The following TRIM49C variants were observed in gnomAD, a reference collection of about 807,000 sequenced individuals.
TRIM49C encodes the protein tripartite motif-containing protein 49C.
Under a neutral mutation model 21.4 loss-of-function variants are expected in TRIM49C, and 6 were observed. That is an observed-to-expected ratio of 0.28 (90% CI 0.15 to 0.55). TRIM49C has a LOEUF of 0.55. Ranked by LOEUF, TRIM49C falls within the 20% of genes least tolerant of loss-of-function variation. TRIM49C has a pLI of 0.94. For missense variants in TRIM49C, 161 were observed against 442.4 expected (o/e 0.36, Z 5.71); for synonymous variants, 57 against 148.1 (o/e 0.38, Z 4.47).
chr11:90,062,891 C>T, the TRIM49C span: 1 of 1,416,346 alleles, frequency 7.1e-7, no homozygotes, highest in Non-Finnish European at 9.3e-7. Context: ...AGAGGCAGGG[C>T]CTGCAAAAGC....
At chr11:90,045,765 A>G (rs1950797787), downstream of TRIM49C, among the ~76,000 whole-genome samples, 1 of 115,760 alleles carries the variant, frequency 8.6e-6, no homozygotes, top group Non-Finnish European at 1.7e-5. Context: ...AATACCCTTT[A>G]TTTCTTTCTC....
Position 90,032,511 on chromosome 11 carries a change from C to T in TRIM49C, c.-76C>T, listed in dbSNP as rs1950694626. 1 of 129,888 alleles carries T rather than the reference C, an allele frequency of 7.7e-6. No individual in the cohort carries two copies. Among genetic ancestry groups the T allele is most frequent in the African/African-American group, 3.2e-5 (1 of 31,298 alleles). The allele number at this position is 129,888 out of a possible 1,614,324, so 8.0% of individuals were successfully genotyped here. On this transcript the variant is annotated 5_prime_UTR_variant, in exon 2 of 8. Coordinates refer to ENST00000448984, the MANE Select transcript of TRIM49C (RefSeq NM_001195234.1). ...ATTCAGTACTGCAGTGAATGAGCTT[C>T]TGACCTTGAGGTGAACTTAACAAAA... is the stretch of plus-strand genomic sequence containing the variant.
chr11:90,039,375 C>T (rs1174341568), intron 6 of TRIM49C, among the ~76,000 whole-genome samples: 1 of 129,038 alleles, frequency 7.7e-6, no homozygotes, highest in Non-Finnish European at 1.6e-5. Flanking sequence ...TACATATATA[C>T]ATATCAGTTA....
the TRIM49C span, chr11:90,057,944 G>A: frequency 2.6e-6 from 4 of 1,522,398 alleles, no homozygotes; most frequent in South Asian, 1.2e-5. Flanking sequence ...GCTTGCCAGA[G>A]GTGAATGCTT....
chr11:90,058,351 GCA>G, the TRIM49C span, among the ~76,000 whole-genome samples: 1 of 105,150 alleles, frequency 9.5e-6, no homozygotes, highest in African/African-American at 3.4e-5. Flanking sequence ...GTCTATCTCT[GCA>G]CAGTTTGTTT....
downstream of TRIM49C, among the ~76,000 whole-genome samples, chr11:90,045,394 C>A (rs1337646641): frequency 1.5e-5 from 1 of 65,634 alleles, no homozygotes; most frequent in East Asian, 5.1e-4. Flanking sequence ...GATATTGATT[C>A]TTCCTATCCC....
At chr11:90,069,889 A>G in the TRIM49C span, among the ~76,000 whole-genome samples, 4 of 106,374 alleles carry the variant, frequency 3.8e-5, no homozygotes, top group Admixed American at 1.1e-4. Context: ...AAGCTTCATT[A>G]CTTGTTTCTC....
At chr11:90,035,177 C>A in intron 2 of TRIM49C, 31 bp from the exon 3 acceptor site, 1 of 1,595,162 alleles carries the variant, frequency 6.3e-7, no homozygotes, top group Non-Finnish European at 8.5e-7. Context: ...AACCCAGGCC[C>A]CAAAATGACA....
In TRIM49C at chr11:90,041,377, C is replaced by T; in HGVS notation, c.1186C>T (p.Pro396Ser). The T allele has an allele frequency of 6.3e-7, 1 of 1,588,116 alleles. No individual in the cohort carries two copies. The highest frequency in any genetic ancestry group is 1.4e-5 in the African/African-American group (1 of 72,134). Residue 396 changes from proline (P) to serine (S), a missense_variant, in exon 8 of 8, where the codon CCA becomes TCA. Transcript: ENST00000448984. ...TCAATGCAGTCTCTTTACCACCTCCCCACTTATGCTGCAATATATCCCAAA... is the reference window on the plus strand; with the variant it reads ...TCAATGCAGTCTCTTTACCACCTCCTCACTTATGCTGCAATATATCCCAAA... ...DIQCSLFTTS[P>S]LMLQYIPKPT...
the TRIM49C span, among the ~76,000 whole-genome samples, chr11:90,056,238 G>A: frequency 1.4e-5 from 2 of 138,094 alleles, no homozygotes; most frequent in South Asian, 4.7e-4. Context: ...GGGATTACAG[G>A]CGTGAGCCAC....
At chr11:90,073,232 TA>T in the TRIM49C span, 1 of 929,038 alleles carries the variant, frequency 1.1e-6, no homozygotes, top group African/African-American at 1.7e-5. Flanking sequence ...GTTTCCTCAC[TA>T]TGTAGAGAAA....
chr11:90,057,851 G>T, the TRIM49C span: 2 of 1,281,176 alleles, frequency 1.6e-6, no homozygotes, highest in Non-Finnish European at 2.0e-6. Flanking sequence ...AATCAATAAT[G>T]ATATTGGTAT....
chr11:90,052,602 A>G, the TRIM49C span: 1 of 142,944 alleles, frequency 7.0e-6, no homozygotes, highest in African/African-American at 2.5e-5. Flanking sequence ...CGCTCCCGGC[A>G]GGGGCGCTCC....
At chr11:90,032,168 A>C (rs1950692512) in intron 1 of TRIM49C, among the ~76,000 whole-genome samples, 1 of 132,586 alleles carries the variant, frequency 7.5e-6, no homozygotes, top group African/African-American at 2.7e-5. Context: ...GAAGAAACTC[A>C]ATAAACAGTA....
chr11:90,069,303 A>G, the TRIM49C span, among the ~76,000 whole-genome samples: 1 of 129,106 alleles, frequency 7.7e-6, no homozygotes, highest in Non-Finnish European at 1.6e-5. Flanking sequence ...TAGTAGAGAC[A>G]GGGTTTCACC....
chr11:90,057,001 G>A, the TRIM49C span, among the ~76,000 whole-genome samples: 19,741 of 146,368 alleles, frequency 0.13, 1,731 homozygotes, highest in East Asian at 0.3. Context: ...TTTGTAAGAT[G>A]AGATATCCAC....
At chr11:90,067,962 TA>T in the TRIM49C span, among the ~76,000 whole-genome samples, 1 of 121,152 alleles carries the variant, frequency 8.3e-6, no homozygotes, top group Non-Finnish European at 1.7e-5. Context: ...ACTCCAATTA[TA>T]AGTGACTCAC....
At chr11:90,033,003 G>A (rs1017146185) in intron 2 of TRIM49C, among the ~76,000 whole-genome samples, 2 of 119,374 alleles carry the variant, frequency 1.7e-5, no homozygotes, top group African/African-American at 3.3e-5. Context: ...AATGATGAGC[G>A]ATGCAAAATA....
chr11:90,038,503 C>T (rs1950742794), intron 5 of TRIM49C, among the ~76,000 whole-genome samples, 190 bp from the exon 6 acceptor site: 3 of 135,054 alleles, frequency 2.2e-5, no homozygotes, highest in Non-Finnish European at 4.8e-5. Context: ...TCAGACTTTC[C>T]CAGGACGTTA....
Sources: gnomAD v4.1 joint callset for allele counts (sites outside exome capture counted in the v4.1 genomes callset) on GRCh38, gnomAD v4.1.1 for gene constraint, MANE v1.5 for transcripts, NCBI Gene and HGNC (gene_info 2026-07-23, HGNC 2026-07-21) for gene names.